Variants in ANO2 observed in about 807,000 individuals in gnomAD.
ANO2 encodes anoctamin 2, also known as anoctamin-2.
ANO2 carries 101 observed loss-of-function variants against 124.2 expected under a neutral mutation model. The ratio of observed to expected loss-of-function variants is 0.81; its 90% CI spans 0.69 to 0.96. The LOEUF (loss-of-function observed/expected upper bound fraction) is 0.96, where lower values mean the gene tolerates loss of function less well. ANO2 is among the 40% of genes least tolerant of loss of function. The pLI, the probability that ANO2 is intolerant of heterozygous loss-of-function variation, is 0.00. For synonymous variants in ANO2, 486 were observed against 482.5 expected, an observed-to-expected ratio of 1.01 and a Z score of -0.09; for missense variants, 1,293 against 1,274.5, an observed-to-expected ratio of 1.01 and a Z score of -0.22.
intron 16 of ANO2, among the ~76,000 whole-genome samples, chr12:5,618,330 C>T (rs141599001): frequency 6.6e-5 from 10 of 152,304 alleles, no homozygotes; most frequent in East Asian, 1.9e-4. Flanking sequence ...TCACCTCCAG[C>T]GTGGGCCAAT....
intron 20 of ANO2, among the ~76,000 whole-genome samples, chr12:5,589,782 G>T (rs1203046027): frequency 1.3e-5 from 2 of 152,142 alleles, no homozygotes; most frequent in Non-Finnish European, 2.9e-5. Context: ...GCCCAGGGCC[G>T]GGAGAGCACT....
intron 23 of ANO2, among the ~76,000 whole-genome samples, chr12:5,571,023 A>G (rs1942076226): frequency 6.6e-6 from 1 of 152,056 alleles, no homozygotes; most frequent in Non-Finnish European, 1.5e-5. Flanking sequence ...GGAAGGGAGC[A>G]CCCCTCTTCA....
intron 19 of ANO2, among the ~76,000 whole-genome samples, chr12:5,610,819 T>TACACACACACACAC (rs766401385): frequency 3.6e-5 from 4 of 110,844 alleles, no homozygotes; most frequent in African/African-American, 4.2e-5. Flanking sequence ...GAGTTGTCCA[T>TACACACACACACAC]ACACACACAC....
chr12:5,725,283 T>C (rs550386049), intron 14 of ANO2, among the ~76,000 whole-genome samples: 1 of 152,294 alleles, frequency 6.6e-6, no homozygotes, highest in East Asian at 1.9e-4. Context: ...TTGGTGTATT[T>C]ATTCATTATG....
chr12:5,575,710 T>C (rs1199201389), intron 23 of ANO2, 124 bp downstream of exon 23: 1 of 1,057,946 alleles, frequency 9.5e-7, no homozygotes, highest in Non-Finnish European at 1.3e-6. Context: ...TCGCCATATA[T>C]GTGGTCTGCT....
chr12:5,813,228 T>C (rs1953492794), intron 7 of ANO2, among the ~76,000 whole-genome samples: 2 of 152,214 alleles, frequency 1.3e-5, no homozygotes, highest in Admixed American at 6.5e-5. Context: ...CTTGGTTATC[T>C]TTGGGGGGTC....
chr12:5,751,899 CCT>C (rs148685793), intron 10 of ANO2, among the ~76,000 whole-genome samples: 9,775 of 152,118 alleles, frequency 0.064, 420 homozygotes, highest in African/African-American at 0.12. Flanking sequence ...CTCTGCAGCC[CCT>C]GTTAACCACT....
chr12:5,735,642 A>C (rs1053171125), intron 13 of ANO2, among the ~76,000 whole-genome samples: 19 of 152,194 alleles, frequency 1.2e-4, no homozygotes, highest in African/African-American at 4.6e-4. Context: ...GGGGAGGCCA[A>C]TCTGAAGACG....
At chr12:5,916,928 T>C (rs1445488303) in intron 3 of ANO2, among the ~76,000 whole-genome samples, 2 of 152,168 alleles carry the variant, frequency 1.3e-5, no homozygotes, top group South Asian at 2.1e-4. Flanking sequence ...TCATAATAAC[T>C]ACCTTTTGGA....
intron 16 of ANO2, among the ~76,000 whole-genome samples, chr12:5,628,448 G>A (rs1220957224): frequency 6.6e-6 from 1 of 152,172 alleles, no homozygotes; most frequent in Non-Finnish European, 1.5e-5. Context: ...ATATTAAAAG[G>A]CACTAGAGTG....
At chr12:5,733,089 G>A (rs1565621135) in intron 13 of ANO2, 4 of 617,618 alleles carry the variant, frequency 6.5e-6, no homozygotes, top group Non-Finnish European at 5.8e-6. Flanking sequence ...GGGAGTGAGG[G>A]CAACAACAAA....
At chr12:5,590,039 TA>T (rs372353475) in intron 20 of ANO2, among the ~76,000 whole-genome samples, 10 of 146,150 alleles carry the variant, frequency 6.8e-5, no homozygotes, top group East Asian at 2.0e-4. Context: ...AGGATGTAGT[TA>T]AAAAAAAAAG....
At chr12:5,730,887 A>C in intron 14 of ANO2, among the ~76,000 whole-genome samples, 1 of 152,252 alleles carries the variant, frequency 6.6e-6, no homozygotes, top group East Asian at 1.9e-4. Flanking sequence ...TCAACAGTGT[A>C]ATGAAAATAG....
At chr12:5,779,111 T>C (rs1477697159) in intron 10 of ANO2, among the ~76,000 whole-genome samples, 2 of 152,212 alleles carry the variant, frequency 1.3e-5, no homozygotes, top group Non-Finnish European at 2.9e-5. Flanking sequence ...TCTAGATCCA[T>C]CCAGGATTCT....
At chr12:5,677,786 C>G (rs1322778814) in intron 14 of ANO2, among the ~76,000 whole-genome samples, 1 of 152,192 alleles carries the variant, frequency 6.6e-6, no homozygotes, top group African/African-American at 2.4e-5. Flanking sequence ...AAGCATTTGT[C>G]CCGGCTTTTC....
chr12:5,826,504 C>A lies in ANO2; in HGVS notation c.892+1265G>T, dbSNP rs115116189. 6.3e-3 allele frequency among the ~76,000 whole-genome samples: 946 copies of A among 150,892 alleles called. 13 individuals carry two copies. Among genetic ancestry groups the A allele is most frequent in the African/African-American group, 0.022 (910 of 40,612 alleles). ...CTTGATATGTATATATAAAATTTCT[C>A]TGTTTTTTAAGCTAATTCTCTCACC... On this transcript the variant is annotated intron_variant, in intron 7 of 24. Coordinates refer to ENST00000682330, the MANE Select transcript of ANO2 (RefSeq NM_001364791.2).
chr12:5,946,027 C>T (rs536095057), upstream of ANO2: 34 of 1,216,260 alleles, frequency 2.8e-5, no homozygotes, highest in South Asian at 4.5e-4. This position sits in a 1 kb window ranked among gnomAD's most constrained non-coding sequence, Gnocchi z 4.1. Context: ...CCAAAGGGCC[C>T]TTCTGCACGA....
intron 2 of ANO2, 42 bp downstream of exon 2, chr12:5,922,578 G>C: frequency 6.7e-7 from 1 of 1,503,692 alleles, no homozygotes; most frequent in Non-Finnish European, 8.9e-7. Context: ...GCCTGCAACA[G>C]GGCTGGCCTA....
At chr12:5,882,361 A>C (rs1368049276) in intron 3 of ANO2, among the ~76,000 whole-genome samples, 1 of 152,232 alleles carries the variant, frequency 6.6e-6, no homozygotes, top group Non-Finnish European at 1.5e-5. Context: ...CCAGAATGAG[A>C]CTTTCTTCCT....
Sources: allele counts gnomAD v4.1 joint callset (sites outside exome capture counted in the v4.1 genomes callset), GRCh38; gene constraint gnomAD v4.1.1; non-coding constraint Gnocchi (gnomAD v3.1); transcripts MANE v1.5; gene names NCBI Gene and HGNC (gene_info 2026-07-23, HGNC 2026-07-21).